The following FDX1 variants were observed in gnomAD, a reference collection of about 807,000 sequenced individuals.
FDX1 encodes the protein adrenodoxin, mitochondrial.
Under a neutral mutation model 14.9 loss-of-function variants are expected in FDX1, and 9 were observed. The ratio of observed to expected loss-of-function variants is 0.60; its 90% CI spans 0.36 to 1.05. The LOEUF (loss-of-function observed/expected upper bound fraction) is 1.05. FDX1 is among the 50% of genes least tolerant of loss of function. FDX1 has a pLI of 0.01. For synonymous variants in FDX1, 92 were observed against 99.4 expected (o/e 0.93, Z 0.44); for missense variants, 204 against 237.2 (o/e 0.86, Z 0.92).
chr11:110,457,081 AATCTGGGAAC>A, intron 3 of FDX1, 34 bp downstream of exon 3: 1 of 1,588,926 alleles, frequency 6.3e-7, no homozygotes, highest in Non-Finnish European at 8.6e-7. Flanking sequence ...TTGTAATAAT[AATCTGGGAAC>A]ATAGATGTTG....
rs1285918606 is a variant in FDX1, at chr11:110,444,691, TATATATATATATAC to T, written c.310+8734_310+8747del. Among the ~76,000 whole-genome samples, 56 of 53,226 alleles carry T rather than the reference TATATATATATATAC, an allele frequency of 1.1e-3. 8 individuals carry two copies. Among genetic ancestry groups the T allele is most frequent in the African/African-American group, 4.9e-3 (56 of 11,540 alleles). 34.9% of individuals were successfully genotyped at this position (53,226 alleles called of 152,430 possible). On this transcript the variant is annotated intron_variant, in intron 2 of 3. Transcript: ENST00000260270. Reference sequence around the variant, plus strand: ...GTATATATATATATATATACACGTATATATATATATATACGTATATATATATATATACGTATATA... The same window carrying T: ...GTATATATATATATATATACACGTATGTATATATATATATATACGTATATA...
chr11:110,447,258 T>G (rs1591251145), intron 2 of FDX1, among the ~76,000 whole-genome samples: 1 of 100,380 alleles, frequency 1.0e-5, no homozygotes, highest in Admixed American at 1.2e-4. Flanking sequence ...TGAAACCCCG[T>G]CTCTACTAAA....
chr11:110,458,900 T>C (rs1591255236), intron 3 of FDX1, among the ~76,000 whole-genome samples: 1 of 152,146 alleles, frequency 6.6e-6, no homozygotes, highest in East Asian at 1.9e-4. Flanking sequence ...CCACCGTGCC[T>C]GGCTTCAATG....
intron 1 of FDX1, among the ~76,000 whole-genome samples, chr11:110,434,084 T>C (rs1412915031): frequency 1.3e-5 from 2 of 152,156 alleles, no homozygotes; most frequent in Non-Finnish European, 2.9e-5. Context: ...GCTTCTCAAA[T>C]TTTGGAGGGA....
chr11:110,455,553 C>G (rs1461353073), intron 2 of FDX1, among the ~76,000 whole-genome samples: 1 of 152,154 alleles, frequency 6.6e-6, no homozygotes, highest in African/African-American at 2.4e-5. Context: ...ACCCGAATCA[C>G]TGTTTTTAAA....
chr11:110,448,057 A>G lies in FDX1; in HGVS notation c.311-8861A>G, dbSNP rs570987152. On this transcript the variant is annotated intron_variant, in intron 2 of 3. Transcript: ENST00000260270. ...TCATTGCCAACTTTTATATTAATATAGATCTTTTGGATGATGCAGGTACCT... is the reference window on the plus strand; with the variant it reads ...TCATTGCCAACTTTTATATTAATATGGATCTTTTGGATGATGCAGGTACCT... Among the ~76,000 whole-genome samples, 59 of 152,352 alleles carry G rather than the reference A, an allele frequency of 3.9e-4. 1 individual carries two copies. In the South Asian group the frequency reaches 0.012, roughly 32 times the overall value.
intron 2 of FDX1, among the ~76,000 whole-genome samples, chr11:110,447,530 C>T (rs1423323324): frequency 2.6e-5 from 4 of 152,156 alleles, no homozygotes; most frequent in Non-Finnish European, 5.9e-5. Context: ...AAAGGCTCTG[C>T]ATTATCTGGC....
chr11:110,453,643 G>C (rs1946501297), intron 2 of FDX1, among the ~76,000 whole-genome samples: 1 of 151,390 alleles, frequency 6.6e-6, no homozygotes, highest in African/African-American at 2.4e-5. Flanking sequence ...AAACCGTATA[G>C]GTTAAATCTC....
Position 110,451,668 on chromosome 11 carries a change from A to G in FDX1, c.311-5250A>G, listed in dbSNP as rs183541381. Among the ~76,000 whole-genome samples the G allele has an allele frequency of 2.4e-3, 369 of 152,364 alleles. 6 individuals carry two copies. In the South Asian group the frequency reaches 0.035, roughly 15 times the overall value. ...TCATTGTAGCACTATTCACAATAGC[A>G]AAGACATAGAATCAACCCAAATGCC... is the stretch of plus-strand genomic sequence containing the variant. On this transcript the variant is annotated intron_variant, in intron 2 of 3. Transcript: ENST00000260270.
intron 1 of FDX1, among the ~76,000 whole-genome samples, chr11:110,432,571 C>T (rs1299904382): frequency 1.3e-5 from 2 of 152,064 alleles, no homozygotes; most frequent in Admixed American, 1.3e-4. Context: ...CAGGTTCAAG[C>T]GATTCTCGTG....
At chr11:110,443,684 T>C (rs1444887049) in intron 2 of FDX1, among the ~76,000 whole-genome samples, 1 of 152,096 alleles carries the variant, frequency 6.6e-6, no homozygotes, top group Non-Finnish European at 1.5e-5. Context: ...CCTCAAGTGA[T>C]CCGCCTGCCT....
intron 3 of FDX1, among the ~76,000 whole-genome samples, chr11:110,459,896 C>T (rs1423293684): frequency 1.3e-5 from 2 of 152,254 alleles, no homozygotes; most frequent in Admixed American, 6.5e-5. Flanking sequence ...CTTTTTGTTC[C>T]GTCTCTTTCT....
At chr11:110,454,962 T>C (rs1385178818) in intron 2 of FDX1, among the ~76,000 whole-genome samples, 2 of 152,218 alleles carry the variant, frequency 1.3e-5, no homozygotes, top group Admixed American at 6.5e-5. Context: ...TTGGATTTAA[T>C]AAAAATGAAG....
chr11:110,444,638 G>A (rs1946426512), intron 2 of FDX1, among the ~76,000 whole-genome samples: 1 of 57,410 alleles, frequency 1.7e-5, no homozygotes, highest in African/African-American at 8.0e-5. Flanking sequence ...ATATATGTGT[G>A]TGTGTGTGTG....
chr11:110,448,049 A>G (rs1946463010), intron 2 of FDX1, among the ~76,000 whole-genome samples: 3 of 152,358 alleles, frequency 2.0e-5, no homozygotes, highest in South Asian at 4.1e-4. Flanking sequence ...CAACTTTTAT[A>G]TTAATATAGA....
rs142950478 is a variant in FDX1 at position 110,437,458 on chromosome 11, T to C, written c.310+1500T>C. On this transcript the variant is annotated intron_variant, in intron 2 of 3. Coordinates refer to ENST00000260270, the MANE Select transcript of FDX1 (RefSeq NM_004109.5). ...GAGTCTCATGGAAATTAAGTTTCCC[T>C]GGTTATACATGCAGCAAGTGAGAGG... Among the ~76,000 whole-genome samples, 1,026 of 152,338 alleles carry C rather than the reference T, an allele frequency of 6.7e-3. 5 individuals are homozygous for C. The highest frequency in any genetic ancestry group is 0.012 in the Non-Finnish European group (832 of 68,032).
At chr11:110,439,221 AC>A (rs1946390205) in intron 2 of FDX1, among the ~76,000 whole-genome samples, 1 of 148,306 alleles carries the variant, frequency 6.7e-6, no homozygotes, top group South Asian at 2.2e-4. Context: ...CTTCCCCCCA[AC>A]CCCGAGACGG....
intron 2 of FDX1, among the ~76,000 whole-genome samples, chr11:110,444,308 G>C (rs765181309): frequency 1.3e-5 from 2 of 151,938 alleles, no homozygotes; most frequent in African/African-American, 4.8e-5. Flanking sequence ...TATTGAATAC[G>C]GAGTCTCTTA....
chr11:110,460,933 C>T (rs145371979), intron 3 of FDX1, among the ~76,000 whole-genome samples: 1 of 152,312 alleles, frequency 6.6e-6, no homozygotes, highest in Non-Finnish European at 1.5e-5. Flanking sequence ...TTGATTTGCT[C>T]TTCCTCATTG....
Sources: gnomAD v4.1 joint callset for allele counts (sites outside exome capture counted in the v4.1 genomes callset) on GRCh38, gnomAD v4.1.1 for gene constraint, MANE v1.5 for transcripts, NCBI Gene and HGNC (gene_info 2026-07-23, HGNC 2026-07-21) for gene names.